GPC5: variants seen among roughly 807,000 people sequenced by gnomAD.
GPC5 encodes glypican 5, also known as glypican-5.
Under a neutral mutation model 53.9 loss-of-function variants are expected in GPC5, and 47 were observed. The ratio of observed to expected loss-of-function variants is 0.87; its 90% CI spans 0.69 to 1.11. The LOEUF is 1.11. Ranked by LOEUF, GPC5 falls within the 50% of genes most tolerant of loss-of-function variation. The probability of loss-of-function intolerance (pLI) is 0.00; values close to 1 mark genes in which losing one functional copy is unlikely to be tolerated. For missense variants in GPC5, 748 were observed against 713.1 expected, an observed-to-expected ratio of 1.05 and a Z score of -0.56; for synonymous variants, 286 against 263.3, an observed-to-expected ratio of 1.09 and a Z score of -0.84.
intron 2 of GPC5, among the ~76,000 whole-genome samples, chr13:91,640,289 C>G (rs970085287): frequency 2.0e-5 from 3 of 151,934 alleles, no homozygotes; most frequent in Non-Finnish European, 4.4e-5. Flanking sequence ...AACAAATTTA[C>G]AAGAAAAATT....
At chr13:91,975,566 A>G (rs886687869) in intron 6 of GPC5, among the ~76,000 whole-genome samples, 2 of 152,240 alleles carry the variant, frequency 1.3e-5, no homozygotes, top group Admixed American at 6.5e-5. Flanking sequence ...CAAAACCACA[A>G]TAAGATACCA....
intron 7 of GPC5, among the ~76,000 whole-genome samples, chr13:92,666,695 A>G (rs1440317019): frequency 6.6e-6 from 1 of 152,222 alleles, no homozygotes; most frequent in African/African-American, 2.4e-5. Context: ...AAGGGAGAAC[A>G]TTAGTGCTCA....
In GPC5 at chr13:92,037,121, T is replaced by A. The variant is rs1445658512; in HGVS notation, c.1402-107709T>A. On this transcript the variant is annotated intron_variant, in intron 6 of 7. Coordinates refer to ENST00000377067, the MANE Select transcript of GPC5 (RefSeq NM_004466.6). ...TCTGTCTCTTTCTTCTAAGGACTTTTATATTCTGTCTATTGCCTAACTCTC... is the reference window on the plus strand; with the variant it reads ...TCTGTCTCTTTCTTCTAAGGACTTTAATATTCTGTCTATTGCCTAACTCTC... Among the ~76,000 whole-genome samples, 3 of 152,196 alleles carry A rather than the reference T, an allele frequency of 2.0e-5. No homozygotes were observed. The East Asian group carries it at 5.8e-4, about 29-fold the overall frequency.
At chr13:91,745,605 G>T (rs1409754676) in intron 4 of GPC5, among the ~76,000 whole-genome samples, 1 of 151,970 alleles carries the variant, frequency 6.6e-6, no homozygotes, top group Non-Finnish European at 1.5e-5. Flanking sequence ...GGAAAACCTG[G>T]AATGACTTAG....
intron 6 of GPC5, among the ~76,000 whole-genome samples, chr13:91,924,215 A>T (rs2139021512): frequency 6.6e-6 from 1 of 152,286 alleles, no homozygotes; most frequent in East Asian, 1.9e-4. Context: ...TATCAAAGCA[A>T]GTTATTCATA....
chr13:92,417,598 TGTG>T (rs1415267133), intron 7 of GPC5, among the ~76,000 whole-genome samples: 2 of 152,112 alleles, frequency 1.3e-5, no homozygotes, highest in Non-Finnish European at 2.9e-5. Context: ...CTAGGACTGG[TGTG>T]GTGGCTCATG....
chr13:92,316,842 G>A (rs892139914), intron 7 of GPC5, among the ~76,000 whole-genome samples: 12 of 151,984 alleles, frequency 7.9e-5, no homozygotes, highest in Non-Finnish European at 1.6e-4. Context: ...TTTGTTGCAA[G>A]TTACTTCTAA....
chr13:92,042,496 G>T (rs1251707199), intron 6 of GPC5, among the ~76,000 whole-genome samples: 1 of 151,164 alleles, frequency 6.6e-6, no homozygotes, highest in Non-Finnish European at 1.5e-5. Flanking sequence ...AAAAACAAAT[G>T]GAAAAAAAAA....
chr13:92,820,730 G>A (rs779356988), intron 7 of GPC5, among the ~76,000 whole-genome samples: 6 of 152,026 alleles, frequency 3.9e-5, no homozygotes, highest in Non-Finnish European at 7.4e-5. Flanking sequence ...CTTCTACCTA[G>A]AACATGTATT....
chr13:92,352,849 A>G (rs116109560), intron 7 of GPC5, among the ~76,000 whole-genome samples: 50 of 152,350 alleles, frequency 3.3e-4, no homozygotes, highest in African/African-American at 1.2e-3. Flanking sequence ...TATTTGGTAT[A>G]TATCCAAGAG....
At chr13:92,849,791 C>T (rs1416610506) in intron 7 of GPC5, among the ~76,000 whole-genome samples, 1 of 152,206 alleles carries the variant, frequency 6.6e-6, no homozygotes, top group African/African-American at 2.4e-5. Context: ...AATATTCCAA[C>T]CATCCCCATA....
chr13:92,828,245 C>G (rs1232804753), intron 7 of GPC5, among the ~76,000 whole-genome samples: 1 of 152,096 alleles, frequency 6.6e-6, no homozygotes, highest in Non-Finnish European at 1.5e-5. Context: ...AGCTGCTCCC[C>G]CACCACACCC....
At chr13:91,402,486 T>C (rs993907766) in intron 1 of GPC5, among the ~76,000 whole-genome samples, 1 of 152,194 alleles carries the variant, frequency 6.6e-6, no homozygotes, top group Non-Finnish European at 1.5e-5. Flanking sequence ...TTGGTAACCT[T>C]GGAGTTTGGA....
intron 2 of GPC5, among the ~76,000 whole-genome samples, chr13:91,606,514 A>G (rs1247115414): frequency 6.7e-5 from 10 of 149,700 alleles, no homozygotes; most frequent in South Asian, 6.5e-4. Flanking sequence ...TGATTGGAAT[A>G]GTTTCAGAAG....
intron 1 of GPC5, among the ~76,000 whole-genome samples, chr13:91,419,001 T>C (rs559758814): frequency 2.8e-4 from 43 of 152,206 alleles, no homozygotes; most frequent in African/African-American, 9.9e-4. Flanking sequence ...CATGATAATT[T>C]GAATGACCTT....
intron 5 of GPC5, among the ~76,000 whole-genome samples, chr13:91,902,643 G>A (rs1384771896): frequency 2.0e-5 from 3 of 151,976 alleles, no homozygotes; most frequent in Admixed American, 2.0e-4. Flanking sequence ...TCTTTGAAAT[G>A]TTTTATCCAT....
intron 7 of GPC5, among the ~76,000 whole-genome samples, chr13:92,282,724 C>CAAG (rs1424495619): frequency 2.0e-5 from 3 of 152,040 alleles, no homozygotes; most frequent in Admixed American, 1.3e-4. Flanking sequence ...GCCTGCCCTA[C>CAAG]AAGAGTTCAG....
chr13:92,753,580 G>GA (rs975943035), intron 7 of GPC5, among the ~76,000 whole-genome samples: 9 of 152,060 alleles, frequency 5.9e-5, no homozygotes, highest in South Asian at 4.2e-4. Flanking sequence ...TGAAAACTTT[G>GA]AAAAAAATTT....
chr13:91,681,114 C>T (rs764509171), intron 2 of GPC5, among the ~76,000 whole-genome samples: 2 of 151,678 alleles, frequency 1.3e-5, no homozygotes, highest in South Asian at 2.1e-4. Context: ...GTTCCGAGAC[C>T]GAAAACTTTG....
Sources: allele counts gnomAD v4.1 joint callset (sites outside exome capture counted in the v4.1 genomes callset), GRCh38; gene constraint gnomAD v4.1.1; transcripts MANE v1.5; gene names NCBI Gene and HGNC (gene_info 2026-07-23, HGNC 2026-07-21).